Variants in ABCC1 observed in about 807,000 individuals in gnomAD.
ABCC1 encodes ATP binding cassette subfamily C member 1 (ABCC1 blood group).
In ABCC1, 83 loss-of-function variants were observed where a neutral mutation model predicts 172.9. That is an observed-to-expected ratio of 0.48 (90% CI 0.40 to 0.58). The LOEUF (loss-of-function observed/expected upper bound fraction) is 0.58. Ranked by LOEUF, ABCC1 falls within the 20% of genes least tolerant of loss-of-function variation. ABCC1 has a pLI of 0.00. For missense variants in ABCC1, 1,817 were observed against 2,002.7 expected (o/e 0.91, Z 1.77); for synonymous variants, 937 against 825.2 (o/e 1.14, Z -2.32).
chr16:16,033,199 A>G (rs750544452), intron 6 of ABCC1, 29 bp downstream of exon 6: 1 of 1,601,378 alleles, frequency 6.2e-7, no homozygotes, highest in Non-Finnish European at 8.6e-7. Flanking sequence ...GACCTCAGGG[A>G]GGTGGTGGGG....
At chr16:16,027,309 G>A (rs922584621) in intron 5 of ABCC1, among the ~76,000 whole-genome samples, 1 of 152,118 alleles carries the variant, frequency 6.6e-6, no homozygotes, top group Non-Finnish European at 1.5e-5. Context: ...CCCTAACTCC[G>A]CTGTGTAGCT....
chr16:16,077,277 A>G (rs193137077), intron 15 of ABCC1, among the ~76,000 whole-genome samples: 31 of 152,346 alleles, frequency 2.0e-4, no homozygotes, highest in Non-Finnish European at 3.7e-4. Context: ...GAAACTCTCC[A>G]GAGAAAACAA....
intron 26 of ABCC1, among the ~76,000 whole-genome samples, chr16:16,128,718 G>T (rs1351798539): frequency 6.6e-6 from 1 of 152,190 alleles, no homozygotes; most frequent in African/African-American, 2.4e-5. Flanking sequence ...TCAATACAGG[G>T]CTGGACACAG....
At chr16:16,084,033 A>G (rs909285475) in intron 17 of ABCC1, among the ~76,000 whole-genome samples, 2 of 152,190 alleles carry the variant, frequency 1.3e-5, no homozygotes, top group Middle Eastern at 3.2e-3. Flanking sequence ...CAAGATAGCC[A>G]TAATACTGAA....
chr16:16,002,263 G>T (rs1476761494), intron 1 of ABCC1, among the ~76,000 whole-genome samples: 8 of 152,054 alleles, frequency 5.3e-5, no homozygotes, highest in African/African-American at 1.9e-4. Flanking sequence ...ATTATGTAAC[G>T]TATGCTTCCT....
intron 8 of ABCC1, among the ~76,000 whole-genome samples, chr16:16,045,258 C>T (rs995530964): frequency 4.0e-5 from 6 of 151,890 alleles, no homozygotes; most frequent in South Asian, 4.2e-4. Context: ...ATTAGCCGGG[C>T]GTGGTGGTGC....
At chr16:16,031,211 T>C (rs949010476) in intron 5 of ABCC1, among the ~76,000 whole-genome samples, 1 of 152,214 alleles carries the variant, frequency 6.6e-6, no homozygotes, top group Non-Finnish European at 1.5e-5. Context: ...GACGAGAGTA[T>C]GCCACCTTAT....
chr16:15,991,173 T>C (rs2046856875), intron 1 of ABCC1, among the ~76,000 whole-genome samples: 1 of 151,992 alleles, frequency 6.6e-6, no homozygotes, highest in South Asian at 2.1e-4. Flanking sequence ...AGTTCAGCAG[T>C]GCTAGTGCCT....
intron 5 of ABCC1, among the ~76,000 whole-genome samples, chr16:16,028,991 T>G (rs1171987380): frequency 6.6e-6 from 1 of 152,036 alleles, no homozygotes; most frequent in African/African-American, 2.4e-5. Flanking sequence ...AGGTGCTGAT[T>G]TAGTTGGTCT....
chr16:16,136,705 G>C (rs2045931183), intron 29 of ABCC1, 61 bp downstream of exon 29: 2 of 1,561,528 alleles, frequency 1.3e-6, no homozygotes, highest in Non-Finnish European at 1.7e-6. Context: ...CTCGGTAGGG[G>C]TGTTTGAAGA....
At chr16:15,987,530 T>C (rs1329952473) in intron 1 of ABCC1, among the ~76,000 whole-genome samples, 1 of 152,280 alleles carries the variant, frequency 6.6e-6, no homozygotes, top group Admixed American at 6.5e-5. Context: ...CATTAAGCAG[T>C]ATCCCTGGCC....
chr16:16,090,608 T>TCCA lies in ABCC1; in HGVS notation c.2644+23_2644+25dup. The TCCA allele has an allele frequency of 6.4e-7, 1 of 1,552,316 alleles. No individual in the cohort carries two copies. Among genetic ancestry groups the TCCA allele is most frequent in the Non-Finnish European group, 8.7e-7 (1 of 1,143,724 alleles). ...AGAACGGTAGGGGCAGCCCCAGGGT[T>TCCA]CCACCCACTCAGGGTGTCTGGCACC... is the stretch of plus-strand genomic sequence containing the variant. On this transcript the variant is annotated intron_variant, in intron 19 of 30. Transcript: ENST00000399410.
chr16:16,103,661 A>G (rs969447462), intron 20 of ABCC1, among the ~76,000 whole-genome samples: 6 of 152,168 alleles, frequency 3.9e-5, no homozygotes, highest in African/African-American at 9.7e-5. Flanking sequence ...CGGAGCCTAA[A>G]CGTATCAGAC....
At chr16:16,044,377 C>G in intron 7 of ABCC1, 73 bp from the exon 8 acceptor site, 1 of 1,332,734 alleles carries the variant, frequency 7.5e-7, no homozygotes, top group South Asian at 1.2e-5. Flanking sequence ...GTGACATTCC[C>G]TGGCCATGTC....
intron 1 of ABCC1, among the ~76,000 whole-genome samples, chr16:15,977,950 T>C (rs528871791): frequency 1.3e-5 from 2 of 152,296 alleles, no homozygotes; most frequent in Admixed American, 1.3e-4. Context: ...TGTACAACCT[T>C]GGGCAAGTTG....
rs569265173 is a variant in ABCC1 at position 16,013,924 on chromosome 16, G to A, written c.352-567G>A. The stretch of plus-strand genomic sequence containing the variant: ...GATGGCCGAGGCAGAGAGCAGGGGC[G>A]ATGGGGCAGAGGCTGACCCCGGGAA... On this transcript the variant is annotated intron_variant, in intron 3 of 30. Coordinates refer to ENST00000399410, the MANE Select transcript of ABCC1 (RefSeq NM_004996.4). Among the ~76,000 whole-genome samples the A allele has an allele frequency of 3.3e-5, 5 of 152,158 alleles. No homozygotes were observed. The South Asian group carries it at 8.3e-4, about 25-fold the overall frequency.
intron 19 of ABCC1, among the ~76,000 whole-genome samples, chr16:16,092,761 G>A (rs902663488): frequency 1.3e-5 from 2 of 152,188 alleles, no homozygotes; most frequent in Non-Finnish European, 1.5e-5. Context: ...AGGCCAAGGC[G>A]GGTGGATCAC....
chr16:16,107,436 C>T (rs1596513575), intron 21 of ABCC1, among the ~76,000 whole-genome samples: 1 of 152,076 alleles, frequency 6.6e-6, no homozygotes, highest in Non-Finnish European at 1.5e-5. Flanking sequence ...ATTACAGAAA[C>T]TTGCTACCTT....
At position 16,010,076 on chromosome 16, in the gene ABCC1, C is replaced by T. The variant is rs45609632; in HGVS notation, c.351+175C>T. Among the ~76,000 whole-genome samples, 705 of 97,742 alleles carry T rather than the reference C, an allele frequency of 7.2e-3. 12 individuals are homozygous for T. The highest frequency in any genetic ancestry group is 0.031 in the African/African-American group (673 of 21,964). The allele number at this position is 97,742 out of a possible 152,430, so 64.1% of individuals were successfully genotyped here. A position where few individuals can be genotyped will look rare whatever the true frequency, so the allele number is the denominator to read the frequency against. ...TTTTTTTTTTAAAGACATGAGATCTCGCTTTCATCCAGGCTGGAGTGCTAT... is the reference window on the plus strand; with the variant it reads ...TTTTTTTTTTAAAGACATGAGATCTTGCTTTCATCCAGGCTGGAGTGCTAT... On this transcript the variant is annotated intron_variant, in intron 3 of 30. Transcript: ENST00000399410.
Sources: gnomAD v4.1 joint callset for allele counts (sites outside exome capture counted in the v4.1 genomes callset) on GRCh38, gnomAD v4.1.1 for gene constraint, MANE v1.5 for transcripts, NCBI Gene and HGNC (gene_info 2026-07-23, HGNC 2026-07-21) for gene names.